SLFN5: variants seen among roughly 807,000 people sequenced by gnomAD.
SLFN5 encodes the protein schlafen family member 5.
A neutral mutation model predicts 48.5 loss-of-function variants in SLFN5; 34 were observed. The observed-to-expected ratio is 0.70, with a 90% confidence interval of 0.53 to 0.93. The LOEUF (loss-of-function observed/expected upper bound fraction) is 0.93. SLFN5 is among the 40% of genes least tolerant of loss of function. The pLI, the probability that SLFN5 is intolerant of heterozygous loss-of-function variation, is 0.00. For missense variants in SLFN5, 1,006 were observed against 1,071.3 expected (o/e 0.94, Z 0.85); for synonymous variants, 387 against 396.2 (o/e 0.98, Z 0.28).
At chr17:35,255,475 G>A (rs776983775) in intron 1 of SLFN5, among the ~76,000 whole-genome samples, 1 of 152,202 alleles carries the variant, frequency 6.6e-6, no homozygotes, top group Non-Finnish European at 1.5e-5. Context: ...ATGTGCATAC[G>A]CATGGGTGTT....
Position 35,260,958 on chromosome 17 carries a change from C to T in SLFN5, c.1013-13C>T, listed in dbSNP as rs149868268. ...CTTTTTGCATATTGAATCCTTGGTT[C>T]TTGTTTCCTAAGACCTTTCCAGGTG... On this transcript the variant is annotated splice_polypyrimidine_tract_variant and intron_variant, in intron 2 of 4. Coordinates refer to ENST00000299977, the MANE Select transcript of SLFN5 (RefSeq NM_144975.4). 1.0e-4 allele frequency: 164 copies of T among 1,612,572 alleles called. No individual in the cohort carries two copies. The highest frequency in any genetic ancestry group is 5.0e-4 in the Middle Eastern group (3 of 6,054).
chr17:35,250,047 T>C (rs2092438855), intron 1 of SLFN5, among the ~76,000 whole-genome samples: 2 of 152,230 alleles, frequency 1.3e-5, no homozygotes, highest in South Asian at 2.1e-4. Flanking sequence ...GGTCCTCTCC[T>C]ATCCCCTAGT....
chr17:35,258,569 A>G, intron 1 of SLFN5, 82 bp from the exon 2 acceptor site: 1 of 1,197,878 alleles, frequency 8.3e-7, no homozygotes, highest in Non-Finnish European at 1.1e-6. Context: ...GACCAACCTC[A>G]GTAGGATGGC....
At chr17:35,261,469 G>A (rs938898568) in intron 3 of SLFN5, among the ~76,000 whole-genome samples, 2 of 151,724 alleles carry the variant, frequency 1.3e-5, no homozygotes, top group Non-Finnish European at 2.9e-5. Flanking sequence ...AGGAATTTGA[G>A]ACCAGCCTGG....
intron 1 of SLFN5, among the ~76,000 whole-genome samples, chr17:35,251,791 G>T (rs2092443241): frequency 2.2e-5 from 3 of 139,060 alleles, no homozygotes; most frequent in South Asian, 4.7e-4. Context: ...TCGGCTCACT[G>T]CAACTTCTGC....
In SLFN5 at chr17:35,265,092, G is replaced by A; in HGVS notation, c.1880G>A (p.Cys627Tyr). 6.2e-7 allele frequency: 1 copy of A among 1,610,726 alleles called. No individual in the cohort carries two copies. The highest frequency in any genetic ancestry group is 1.7e-4 in the Middle Eastern group (1 of 6,042). ...KLVSFSKKNI[C>Y]QPVTRKTFMK... is the part of the protein sequence containing the mutation. Reference sequence around the variant, plus strand: ...TACAGTTTCAGCAAGAAAAACATCTGCCAGCCAGTGACCCGGAAAACCTTC... The same window carrying A: ...TACAGTTTCAGCAAGAAAAACATCTACCAGCCAGTGACCCGGAAAACCTTC... The change falls in exon 5 of 5, where the codon TGC (cysteine) becomes TAC (tyrosine). Residue 627 changes from cysteine to tyrosine, a missense_variant. Transcript: ENST00000299977.
chr17:35,257,410 A>G (rs553362587), intron 1 of SLFN5, among the ~76,000 whole-genome samples: 62 of 152,330 alleles, frequency 4.1e-4, no homozygotes, highest in African/African-American at 1.5e-3. Context: ...TCCAGTGGCA[A>G]TTCTTGGCAG....
chr17:35,252,323 T>C (rs772641682), intron 1 of SLFN5, among the ~76,000 whole-genome samples: 2 of 152,084 alleles, frequency 1.3e-5, no homozygotes, highest in African/African-American at 2.4e-5. Context: ...CCTAGCTACT[T>C]GGGAGGCTAA....
intron 1 of SLFN5, among the ~76,000 whole-genome samples, chr17:35,249,372 C>T (rs775742563): frequency 6.6e-5 from 10 of 152,164 alleles, no homozygotes; most frequent in Non-Finnish European, 1.2e-4. Context: ...AATAAAAATC[C>T]ATCAGTTCAG....
At position 35,265,159 on chromosome 17, in the gene SLFN5, T is replaced by C. The variant is rs1278298819; in HGVS notation, c.1947T>C (p.Asp649=). Reference sequence around the variant, plus strand: ...AACACATCCAGCACATTATCATTGATGACGCTCAGAATTTCCGTACTGAAG... The same window carrying C: ...AACACATCCAGCACATTATCATTGACGACGCTCAGAATTTCCGTACTGAAG... The part of the protein sequence containing the change: ...NFEHIQHIII[D]DAQNFRTEDG... Residue 649 remains aspartate, a synonymous_variant, in exon 5 of 5, where the codon GAT becomes GAC. Coordinates refer to ENST00000299977, the MANE Select transcript of SLFN5 (RefSeq NM_144975.4). 5.0e-6 allele frequency: 8 copies of C among 1,614,230 alleles called. No individual in the cohort carries two copies. The highest frequency in any genetic ancestry group is 6.8e-6 in the Non-Finnish European group (8 of 1,180,038).
chr17:35,266,304 A>G lies in SLFN5; in HGVS notation c.*416A>G, dbSNP rs528192191. ...CTGAGCGTGCCAGGCAGACTCGGAT[A>G]TTTTTATAAATTTTTAACATGGCCA... On this transcript the variant is annotated 3_prime_UTR_variant, in exon 5 of 5. Coordinates refer to ENST00000299977, the MANE Select transcript of SLFN5 (RefSeq NM_144975.4). 1 of 155,210 alleles carries G rather than the reference A, an allele frequency of 6.4e-6. No individual in the cohort carries two copies. The highest frequency in any genetic ancestry group is 1.4e-5 in the Non-Finnish European group (1 of 70,142). 9.6% of individuals were successfully genotyped at this position (155,210 alleles called of 1,614,324 possible).
At chr17:35,263,807 A>C (rs1904589716) in intron 3 of SLFN5, among the ~76,000 whole-genome samples, 1 of 70,448 alleles carries the variant, frequency 1.4e-5, no homozygotes, top group Admixed American at 1.6e-4. Context: ...GCAAGACTCC[A>C]TCTCAAAAAA....
In SLFN5 at chr17:35,252,120, C is replaced by T. The variant is rs1042656774; in HGVS notation, c.-40-6531C>T. ...TTGGTCACTATCTTAAATCCACATC[C>T]GTGGGAAAACTAAAAAGACAGCTGA... On this transcript the variant is annotated intron_variant, in intron 1 of 4. Transcript: ENST00000299977. 4.6e-5 allele frequency among the ~76,000 whole-genome samples: 7 copies of T among 152,056 alleles called. No individual in the cohort carries two copies. The South Asian group carries it at 6.2e-4, about 14-fold the overall frequency.
chr17:35,263,866 C>G (rs1478062971), intron 3 of SLFN5, among the ~76,000 whole-genome samples: 1 of 149,136 alleles, frequency 6.7e-6, no homozygotes, highest in African/African-American at 2.5e-5. Flanking sequence ...AAAGAATCAG[C>G]TCAGGTGTTT....
At position 35,264,232 on chromosome 17, in the gene SLFN5, C is replaced by T; in HGVS notation, c.1188C>T (p.Leu396=). The change falls in exon 4 of 5, where the codon CTC becomes CTT. Residue 396 remains leucine (L), a synonymous_variant. Transcript: ENST00000299977. ...VYTPESLYKE[L]FSQHKGLRDL... ...CTCCAGAAAGCCTCTACAAGGAACT[C>T]TTCTCACAACATAAAGGACTCAGAG... is the stretch of plus-strand genomic sequence containing the variant. The T allele has an allele frequency of 6.2e-7, 1 of 1,613,850 alleles. No homozygotes were observed. Among genetic ancestry groups the T allele is most frequent in the Non-Finnish European group, 8.5e-7 (1 of 1,179,956 alleles).
chr17:35,258,316 C>T (rs150998431), intron 1 of SLFN5, among the ~76,000 whole-genome samples: 91 of 152,132 alleles, frequency 6.0e-4, no homozygotes, highest in African/African-American at 2.1e-3. Flanking sequence ...GTGAAAGGCA[C>T]GTCTTACATG....
rs572399266 is a variant in SLFN5 at position 35,266,472 on chromosome 17, T to C, written c.*584T>C. 6.6e-6 allele frequency: 1 copy of C among 152,346 alleles called. No individual in the cohort carries two copies. Among genetic ancestry groups the C allele is most frequent in the East Asian group, 1.9e-4 (1 of 5,186 alleles). The allele number at this position is 152,346 out of a possible 1,614,324, so 9.4% of individuals were successfully genotyped here. ...GACTGTTTTTTGCAAGACCACATTA[T>C]ATTACTTTATTATTTTCTGCTTTTT... On this transcript the variant is annotated 3_prime_UTR_variant, in exon 5 of 5. Coordinates refer to ENST00000299977, the MANE Select transcript of SLFN5 (RefSeq NM_144975.4).
chr17:35,244,122 ATCC>A (rs1395688653), intron 1 of SLFN5, among the ~76,000 whole-genome samples: 2 of 152,168 alleles, frequency 1.3e-5, no homozygotes, highest in Non-Finnish European at 2.9e-5. Flanking sequence ...CTGAAGCTAT[ATCC>A]TCCTGCTTGA....
At chr17:35,260,900 T>G in intron 2 of SLFN5, 71 bp from the exon 3 acceptor site, 3 of 1,584,954 alleles carry the variant, frequency 1.9e-6, no homozygotes, top group African/African-American at 1.3e-5. Flanking sequence ...TGAAAGACTT[T>G]GTAGCACAGC....
Sources: gnomAD v4.1 joint callset for allele counts (sites outside exome capture counted in the v4.1 genomes callset) on GRCh38, gnomAD v4.1.1 for gene constraint, MANE v1.5 for transcripts, NCBI Gene and HGNC (gene_info 2026-07-23, HGNC 2026-07-21) for gene names.